The following GEMIN8 variants were observed in gnomAD, a reference collection of about 807,000 sequenced individuals.
GEMIN8 encodes the protein gem nuclear organelle associated protein 8.
For missense variants in GEMIN8, 185 were observed against 205.9 expected (o/e 0.90, Z 0.62); for synonymous variants, 80 against 78.5 (o/e 1.02, Z -0.10).
downstream of GEMIN8, among the ~76,000 whole-genome samples, chrX:14,004,138 G>A (rs750499646): frequency 1.2e-4 from 14 of 112,058 alleles, no homozygotes; most frequent in African/African-American, 3.9e-4. Context: ...ACATATATGC[G>A]TGCATGGTGT....
the GEMIN8 span, among the ~76,000 whole-genome samples, chrX:13,991,341 G>T: frequency 2.7e-5 from 3 of 112,021 alleles, no homozygotes; most frequent in African/African-American, 9.7e-5. Flanking sequence ...AGACAATAGA[G>T]CATACAATCA....
At chrX:14,002,957 G>A (rs1356832138), downstream of GEMIN8, among the ~76,000 whole-genome samples, 1 of 111,203 alleles carries the variant, frequency 9.0e-6, no homozygotes, top group Non-Finnish European at 1.9e-5. Context: ...CTCATTGTTC[G>A]CTTTACCTCA....
intron 4 of GEMIN8, among the ~76,000 whole-genome samples, chrX:14,016,599 C>G (rs1451277229): frequency 9.2e-6 from 1 of 108,649 alleles, no homozygotes; most frequent in South Asian, 4.0e-4. Flanking sequence ...TAATCCAGCA[C>G]TTTGGGAGGC....
At chrX:13,991,841 C>T in the GEMIN8 span, among the ~76,000 whole-genome samples, 2 of 112,301 alleles carry the variant, frequency 1.8e-5, no homozygotes, top group African/African-American at 6.5e-5. Flanking sequence ...TGAGTTATAA[C>T]CTCCAAGGAA....
At chrX:14,024,187 A>C (rs766160098) in intron 2 of GEMIN8, among the ~76,000 whole-genome samples, 2 of 112,157 alleles carry the variant, frequency 1.8e-5, no homozygotes, top group South Asian at 7.4e-4. Flanking sequence ...CAGGCTGCTC[A>C]AATGTCAATG....
chrX:14,023,800 C>T (rs751105043), intron 2 of GEMIN8, among the ~76,000 whole-genome samples: 15 of 112,450 alleles, frequency 1.3e-4, no homozygotes, highest in African/African-American at 3.2e-4. Flanking sequence ...ACAAGCAGCA[C>T]AGGAATTAAA....
chrX:14,010,976 T>G lies in GEMIN8; in HGVS notation c.473-1807A>C, dbSNP rs1485785850. On this transcript the variant is annotated intron_variant, in intron 4 of 4. Coordinates refer to ENST00000680255, the MANE Select transcript of GEMIN8 (RefSeq NM_001042479.2). The stretch of plus-strand genomic sequence containing the variant: ...TGTTTAAATTCTATGCCCCCTAAAC[T>G]GAGTTGTGTTGGAGTGGCGTGGGAG... 4.5e-5 allele frequency among the ~76,000 whole-genome samples: 5 copies of G among 112,222 alleles called. No individual in the cohort carries two copies. In the Admixed American group the frequency reaches 4.7e-4, roughly 11 times the overall value.
At chrX:13,985,617 G>A in the GEMIN8 span, among the ~76,000 whole-genome samples, 5 of 111,990 alleles carry the variant, frequency 4.5e-5, no homozygotes, top group Non-Finnish European at 9.4e-5. Context: ...TTCCTTATAC[G>A]AAACAAGACT....
the GEMIN8 span, among the ~76,000 whole-genome samples, chrX:13,991,822 C>T: frequency 8.9e-6 from 1 of 112,321 alleles, no homozygotes; most frequent in African/African-American, 3.2e-5. Flanking sequence ...AGGTGACATC[C>T]TATAAATTTG....
In GEMIN8 at chrX:14,006,902, G is replaced by A. The variant is rs193205541; in HGVS notation, c.*2011C>T. On this transcript the variant is annotated 3_prime_UTR_variant, in exon 5 of 5. Coordinates refer to ENST00000680255, the MANE Select transcript of GEMIN8 (RefSeq NM_001042479.2). ...CTTAGGTAACAAAGCCAGTAGGGGT[G>A]AGACCGGCATGGTGATTTCTTTAGG... Among the ~76,000 whole-genome samples the A allele has an allele frequency of 9.0e-6, 1 of 111,658 alleles. No individual in the cohort carries two copies. The highest frequency in any genetic ancestry group is 3.3e-5 in the African/African-American group (1 of 30,707).
chrX:14,006,043 CTT>C (rs63451962), downstream of GEMIN8, among the ~76,000 whole-genome samples: 20 of 97,416 alleles, frequency 2.1e-4, no homozygotes, highest in East Asian at 3.1e-4. Context: ...GCTAGGGACA[CTT>C]TTTTTTTTTT....
Position 14,006,997 on chromosome X carries a change from C to T in GEMIN8, c.*1916G>A, listed in dbSNP as rs1484044228. 8.9e-6 allele frequency among the ~76,000 whole-genome samples: 1 copy of T among 112,074 alleles called. No individual in the cohort carries two copies. The highest frequency in any genetic ancestry group is 1.9e-5 in the Non-Finnish European group (1 of 53,254). On this transcript the variant is annotated 3_prime_UTR_variant, in exon 5 of 5. Transcript: ENST00000680255. ...AATGCCTCAGCACCTGCTGCAATTC[C>T]AGGCTTTGGTTTGTACTTGTATCTC...
In GEMIN8 at chrX:14,009,180, AC is replaced by A; in HGVS notation, c.473-12del. On this transcript the variant is annotated splice_polypyrimidine_tract_variant and intron_variant, in intron 4 of 4. Coordinates refer to ENST00000680255, the MANE Select transcript of GEMIN8 (RefSeq NM_001042479.2). ...GCTGCTGCTGCCGCCCTGAGAACAA[AC>A]ACGAACGTGAACATGAACATAAACA... 8.3e-7 allele frequency: 1 copy of A among 1,208,883 alleles called. No homozygotes were observed. Among genetic ancestry groups the A allele is most frequent in the Non-Finnish European group, 1.1e-6 (1 of 893,237 alleles).
At chrX:14,029,122 G>A (rs983893248) in intron 1 of GEMIN8, among the ~76,000 whole-genome samples, 2 of 112,014 alleles carry the variant, frequency 1.8e-5, no homozygotes, top group Non-Finnish European at 3.8e-5. Flanking sequence ...GAGCTAAAAT[G>A]CACTTCGTTG....
Position 14,029,454 on chromosome X carries a change from C to T in GEMIN8, c.-116+323G>A, listed in dbSNP as rs763345668. Reference sequence around the variant, plus strand: ...TGGGCAGCTTTAAAAACTACCGATGCCAGGGCCCCACTATTAGAGATTCTG... The same window carrying T: ...TGGGCAGCTTTAAAAACTACCGATGTCAGGGCCCCACTATTAGAGATTCTG... On this transcript the variant is annotated intron_variant, in intron 1 of 4. Transcript: ENST00000680255. 8.0e-5 allele frequency: 9 copies of T among 111,917 alleles called. No individual in the cohort carries two copies. In the East Asian group the frequency reaches 2.2e-3, roughly 28 times the overall value. The allele number at this position is 111,917 out of a possible 1,213,427, so 9.2% of individuals were successfully genotyped here.
the GEMIN8 span, among the ~76,000 whole-genome samples, chrX:13,996,024 A>G: frequency 8.9e-6 from 1 of 112,101 alleles, no homozygotes; most frequent in South Asian, 3.7e-4. Context: ...CTAGCTGGCA[A>G]TGAGGAAGAG....
chrX:13,988,759 T>A, the GEMIN8 span: 1 of 96,526 alleles, frequency 1.0e-5, no homozygotes, highest in Non-Finnish European at 2.1e-5. Flanking sequence ...ATCAGGACAA[T>A]GAGGCACACT....
At position 14,008,180 on chromosome X, in the gene GEMIN8, T is replaced by C. The variant is rs1206264451; in HGVS notation, c.*733A>G. 9.0e-6 allele frequency: 1 copy of C among 110,701 alleles called. No homozygotes were observed. The allele number at this position is 110,701 out of a possible 1,213,427, so 9.1% of individuals were successfully genotyped here. ...ATTTTAGTAGCGACGGGTTTCATCA[T>C]GTTGGCCAGGATGGTCTCCATCTCC... is the stretch of plus-strand genomic sequence containing the variant. On this transcript the variant is annotated 3_prime_UTR_variant, in exon 5 of 5. Coordinates refer to ENST00000680255, the MANE Select transcript of GEMIN8 (RefSeq NM_001042479.2).
At chrX:14,001,365 A>G in the GEMIN8 span, among the ~76,000 whole-genome samples, 2 of 112,672 alleles carry the variant, frequency 1.8e-5, no homozygotes, top group Admixed American at 9.4e-5. Context: ...AACAAAGTTA[A>G]TAAGTCTTTA....
Sources: gnomAD v4.1 joint callset for allele counts (sites outside exome capture counted in the v4.1 genomes callset) on GRCh38, gnomAD v4.1.1 for gene constraint, MANE v1.5 for transcripts, NCBI Gene and HGNC (gene_info 2026-07-23, HGNC 2026-07-21) for gene names.